SLCO1B3: variants seen among roughly 807,000 people sequenced by gnomAD.
SLCO1B3 encodes liver-specific organic anion transporter 2.
In SLCO1B3, 72 loss-of-function variants were observed where a neutral mutation model predicts 71.8. The ratio of observed to expected loss-of-function variants is 1.00; its 90% CI spans 0.83 to 1.22. The LOEUF (loss-of-function observed/expected upper bound fraction) is 1.22, where lower values mean the gene tolerates loss of function less well. SLCO1B3 is among the 50% of genes most tolerant of loss of function. SLCO1B3 has a pLI of 0.00. For synonymous variants in SLCO1B3, 298 were observed against 278.4 expected (o/e 1.07, Z -0.70); for missense variants, 911 against 819.7 (o/e 1.11, Z -1.36).
intron 6 of SLCO1B3, among the ~76,000 whole-genome samples, chr12:20,861,486 C>T (rs1490748306): frequency 6.6e-6 from 1 of 151,966 alleles, no homozygotes; most frequent in Non-Finnish European, 1.5e-5. Context: ...AACAAACCTC[C>T]TAGTGTACAA....
At chr12:20,872,426 T>A (rs945012951) in intron 8 of SLCO1B3, among the ~76,000 whole-genome samples, 1 of 151,954 alleles carries the variant, frequency 6.6e-6, no homozygotes, top group African/African-American at 2.4e-5. Context: ...TCTGTTCTAC[T>A]GTAGCTGAGC....
Position 20,855,106 on chromosome 12 carries a change from A to G in SLCO1B3, c.163A>G (p.Ile55Val), listed in dbSNP as rs766279496. The G allele has an allele frequency of 1.2e-6, 2 of 1,612,254 alleles. No homozygotes were observed. Among genetic ancestry groups the G allele is most frequent in the Non-Finnish European group, 1.7e-6 (2 of 1,179,206 alleles). The change falls in exon 4 of 16, where the codon ATA becomes GTA. Residue 55 changes from isoleucine (I) to valine (V), a missense_variant. Coordinates refer to ENST00000381545, the MANE Select transcript of SLCO1B3 (RefSeq NM_019844.4). ...GIIMKISITQ[I>V]ERRFDISSSL... is the part of the protein sequence containing the mutation. ...CATTATGAAAATTTCCATCACTCAA[A>G]TAGAAAGGAGATTTGACATATCCTC...
At chr12:20,838,564 C>G (rs1253220438) in intron 3 of SLCO1B3, among the ~76,000 whole-genome samples, 1 of 151,990 alleles carries the variant, frequency 6.6e-6, no homozygotes, top group Non-Finnish European at 1.5e-5. Context: ...CTTACACAAG[C>G]CTAGATAGAT....
intron 3 of SLCO1B3, among the ~76,000 whole-genome samples, chr12:20,824,195 GA>G (rs1465221263): frequency 6.6e-6 from 1 of 152,072 alleles, no homozygotes; most frequent in African/African-American, 2.4e-5. Flanking sequence ...AGCTTAAAAG[GA>G]AAGTTTTCTT....
intron 15 of SLCO1B3, among the ~76,000 whole-genome samples, chr12:20,910,601 A>G (rs936041164): frequency 2.0e-5 from 3 of 152,146 alleles, no homozygotes; most frequent in East Asian, 3.9e-4. Flanking sequence ...ATGGAATATC[A>G]CTTCATATTT....
At chr12:20,893,037 G>A (rs1438440407) in intron 13 of SLCO1B3, among the ~76,000 whole-genome samples, 1 of 152,076 alleles carries the variant, frequency 6.6e-6, no homozygotes, top group Non-Finnish European at 1.5e-5. Flanking sequence ...GAAGTGAAGA[G>A]GTAAAACTAG....
At chr12:20,879,111 GC>G (rs1865637867) in intron 10 of SLCO1B3, among the ~76,000 whole-genome samples, 1 of 151,622 alleles carries the variant, frequency 6.6e-6, no homozygotes, top group South Asian at 2.1e-4. Context: ...TTGTGAGGAA[GC>G]CAAGCCCTCA....
intron 13 of SLCO1B3, among the ~76,000 whole-genome samples, chr12:20,892,611 G>C (rs1032280154): frequency 6.6e-6 from 1 of 152,164 alleles, no homozygotes; most frequent in Non-Finnish European, 1.5e-5. Context: ...ATGTGTACCT[G>C]TAGTGATGAA....
At chr12:20,913,903 T>C (rs1398281102) in intron 15 of SLCO1B3, among the ~76,000 whole-genome samples, 1 of 152,110 alleles carries the variant, frequency 6.6e-6, no homozygotes, top group East Asian at 1.9e-4. Context: ...AGGCATGAAC[T>C]AACATGCCTA....
At position 20,916,081 on chromosome 12, in the gene SLCO1B3, A is replaced by G. The variant is rs200774414; in HGVS notation, c.1943A>G (p.Lys648Arg). The change falls in exon 16 of 16, where the codon AAG (lysine) becomes AGG (arginine). Residue 648 changes from lysine to arginine, a missense_variant. Physicochemically the swap from Lys to Arg is conservative, Grantham distance 26. Coordinates refer to ENST00000381545, the MANE Select transcript of SLCO1B3 (RefSeq NM_019844.4). ...VLYIVFIFAM[K>R]KKFQGKDTKA... ...TATATTGTTTTCATTTTTGCTATGAAGAAAAAATTTCAAGGAAAAGATACC... is the reference window on the plus strand; with the variant it reads ...TATATTGTTTTCATTTTTGCTATGAGGAAAAAATTTCAAGGAAAAGATACC... 2.7e-5 allele frequency: 44 copies of G among 1,613,126 alleles called. No individual in the cohort carries two copies. Among genetic ancestry groups the G allele is most frequent in the Middle Eastern group, 1.7e-4 (1 of 6,044 alleles).
chr12:20,894,769 T>C (rs568600629), intron 13 of SLCO1B3, among the ~76,000 whole-genome samples: 3 of 152,346 alleles, frequency 2.0e-5, no homozygotes, highest in African/African-American at 7.2e-5. Context: ...TGATTTCTTC[T>C]TGACCATCTC....
In SLCO1B3 at chr12:20,888,054, C is replaced by T. The variant is rs557333185; in HGVS notation, c.1682+4452C>T. Among the ~76,000 whole-genome samples, 40 of 152,032 alleles carry T rather than the reference C, an allele frequency of 2.6e-4. 1 individual carries two copies. In the South Asian group the frequency reaches 5.2e-3, roughly 20 times the overall value. On this transcript the variant is annotated intron_variant, in intron 13 of 15. Coordinates refer to ENST00000381545, the MANE Select transcript of SLCO1B3 (RefSeq NM_019844.4). ...ATGTTGTAGGTATGTGGCTTTATTTCTGGCTTCTCCATTCTGTTCCATTGA... is the reference window on the plus strand; with the variant it reads ...ATGTTGTAGGTATGTGGCTTTATTTTTGGCTTCTCCATTCTGTTCCATTGA...
intron 8 of SLCO1B3, among the ~76,000 whole-genome samples, chr12:20,873,334 G>A (rs1303427364): frequency 7.0e-6 from 1 of 142,408 alleles, no homozygotes; most frequent in Non-Finnish European, 1.6e-5. Context: ...GGAGCTAAGA[G>A]CTGAGATGTT....
At chr12:20,827,522 A>G (rs1360129176) in intron 3 of SLCO1B3, among the ~76,000 whole-genome samples, 2 of 152,110 alleles carry the variant, frequency 1.3e-5, no homozygotes, top group Admixed American at 6.6e-5. Context: ...TTAAAGATTC[A>G]TATTTTAGAT....
intron 3 of SLCO1B3, among the ~76,000 whole-genome samples, chr12:20,818,130 G>T (rs538452910): frequency 2.0e-5 from 3 of 152,138 alleles, no homozygotes; most frequent in Non-Finnish European, 2.9e-5. Context: ...AAAAAGGAGC[G>T]TCTATACAGG....
chr12:20,906,242 A>T (rs1285931289), intron 15 of SLCO1B3, among the ~76,000 whole-genome samples: 1 of 152,240 alleles, frequency 6.6e-6, no homozygotes, highest in Non-Finnish European at 1.5e-5. Flanking sequence ...AAAAGAAGGC[A>T]GTCCAAAAAA....
At chr12:20,865,129 G>T (rs780360911) in intron 8 of SLCO1B3, among the ~76,000 whole-genome samples, 4 of 152,072 alleles carry the variant, frequency 2.6e-5, no homozygotes, top group Non-Finnish European at 5.9e-5. Context: ...GCTTGGTTAT[G>T]ACCTTTAGTT....
chr12:20,881,072 T>A, intron 12 of SLCO1B3, 52 bp downstream of exon 12: 1 of 1,330,474 alleles, frequency 7.5e-7, no homozygotes, highest in Non-Finnish European at 1.0e-6. Flanking sequence ...ATCACAGATT[T>A]GATTTAATAA....
In SLCO1B3 at chr12:20,878,528, G is replaced by C. The variant is rs201621135; in HGVS notation, c.1135+592G>C. On this transcript the variant is annotated intron_variant, in intron 10 of 15. Transcript: ENST00000381545. The stretch of plus-strand genomic sequence containing the variant: ...CTTTTCCCACAACTCCAGTATTGTA[G>C]AAACCTTGTAGAAATTTGATAAGTA... Among the ~76,000 whole-genome samples, 4 of 152,206 alleles carry C rather than the reference G, an allele frequency of 2.6e-5. No homozygotes were observed. In the East Asian group the frequency reaches 5.8e-4, roughly 22 times the overall value.
Sources: gnomAD v4.1 joint callset for allele counts (sites outside exome capture counted in the v4.1 genomes callset) on GRCh38, gnomAD v4.1.1 for gene constraint, MANE v1.5 for transcripts, NCBI Gene and HGNC (gene_info 2026-07-23, HGNC 2026-07-21) for gene names.